Variants in GLIS1 observed in about 807,000 individuals in gnomAD.
GLIS1 encodes GLIS family zinc finger 1.
GLIS1 carries 24 observed loss-of-function variants against 63.8 expected under a neutral mutation model. That is an observed-to-expected ratio of 0.38 (90% CI 0.27 to 0.53). The LOEUF (loss-of-function observed/expected upper bound fraction) is 0.53, where lower values mean the gene tolerates loss of function less well. Ranked by LOEUF, GLIS1 falls within the 20% of genes least tolerant of loss-of-function variation. GLIS1 has a pLI of 0.85. For missense variants in GLIS1, 1,036 were observed against 1,074.1 expected (o/e 0.96, Z 0.50); for synonymous variants, 450 against 482.5 (o/e 0.93, Z 0.88).
At position 53,594,258 on chromosome 1, in the gene GLIS1, G is replaced by A. The variant is rs200339816; in HGVS notation, c.1170C>T (p.His390=). The change falls in exon 4 of 11, where the codon CAC becomes CAT. Residue 390 remains histidine (H), a synonymous_variant. Transcript: ENST00000628545. ...AYEQQEELVR[H]IEKSHIDQRK... The stretch of plus-strand genomic sequence containing the variant: ...GCTGGTCGATGTGGCTCTTCTCGAT[G>A]TGCCGCACCAGCTCCTCCTGCTGCT... 5.0e-6 allele frequency: 8 copies of A among 1,613,470 alleles called. No homozygotes were observed. In the Admixed American group the frequency reaches 1.0e-4, roughly 20 times the overall value.
intron 4 of GLIS1, among the ~76,000 whole-genome samples, chr1:53,541,720 G>C (rs951304507): frequency 6.6e-6 from 1 of 152,256 alleles, no homozygotes; most frequent in Admixed American, 6.5e-5. Context: ...AAACCCATCC[G>C]GTGGCCAAGT....
At chr1:53,618,500 G>A (rs1194063927) in intron 2 of GLIS1, among the ~76,000 whole-genome samples, 15 of 152,210 alleles carry the variant, frequency 9.9e-5, no homozygotes, top group Admixed American at 9.8e-4. Flanking sequence ...ACATTTCCAT[G>A]AAGCAGCACC....
chr1:53,577,980 C>T (rs1446885374), intron 4 of GLIS1, among the ~76,000 whole-genome samples: 1 of 152,144 alleles, frequency 6.6e-6, no homozygotes, highest in Non-Finnish European at 1.5e-5. Flanking sequence ...ATCCTGATCC[C>T]CCTACCCTAG....
rs566316360 is a variant in GLIS1, at chr1:53,601,858, C to T, written c.260-1580G>A. ...CAGTTCCTTTGGCACACAATTATCCCCATGCTGAGGCCGGGCACTCAGTGC... is the reference window on the plus strand; with the variant it reads ...CAGTTCCTTTGGCACACAATTATCCTCATGCTGAGGCCGGGCACTCAGTGC... On this transcript the variant is annotated intron_variant, in intron 2 of 10. Transcript: ENST00000628545. 3.3e-4 allele frequency among the ~76,000 whole-genome samples: 50 copies of T among 152,356 alleles called. No individual in the cohort carries two copies. The Middle Eastern group carries it at 0.01, about 31-fold the overall frequency.
At chr1:53,672,508 G>A (rs1646163410) in intron 2 of GLIS1, among the ~76,000 whole-genome samples, 1 of 152,216 alleles carries the variant, frequency 6.6e-6, no homozygotes, top group Admixed American at 6.5e-5. Context: ...TGGGCCTAGA[G>A]TGACTTATTG....
intron 2 of GLIS1, among the ~76,000 whole-genome samples, chr1:53,676,676 C>T (rs955581821): frequency 6.6e-6 from 1 of 152,150 alleles, no homozygotes; most frequent in African/African-American, 2.4e-5. Flanking sequence ...AGGCAAGGCA[C>T]AGGTCCTTCC....
At chr1:53,546,028 C>A (rs1644694839) in intron 4 of GLIS1, among the ~76,000 whole-genome samples, 1 of 152,218 alleles carries the variant, frequency 6.6e-6, no homozygotes, top group Non-Finnish European at 1.5e-5. Context: ...GGATGGGGAC[C>A]AACTTGCCGA....
chr1:53,530,929 C>T (rs909183918), intron 4 of GLIS1, among the ~76,000 whole-genome samples: 2 of 152,230 alleles, frequency 1.3e-5, no homozygotes, highest in Admixed American at 6.5e-5. Flanking sequence ...AGGGGACCAG[C>T]GCTGACGGGC....
intron 2 of GLIS1, among the ~76,000 whole-genome samples, chr1:53,712,187 C>A (rs376819662): frequency 1.3e-5 from 2 of 152,242 alleles, no homozygotes; most frequent in East Asian, 3.8e-4. Context: ...TTCTACCAGG[C>A]CTTTGCACAG....
At chr1:53,656,102 T>G (rs1645962352) in intron 2 of GLIS1, among the ~76,000 whole-genome samples, 1 of 152,154 alleles carries the variant, frequency 6.6e-6, no homozygotes, top group Non-Finnish European at 1.5e-5. Flanking sequence ...GCTCTCAGCT[T>G]CCTCATCCTC....
chr1:53,520,137 C>T (rs1048083072), intron 7 of GLIS1, among the ~76,000 whole-genome samples: 1 of 152,118 alleles, frequency 6.6e-6, no homozygotes, highest in African/African-American at 2.4e-5. Flanking sequence ...TGGGGCAGAG[C>T]GAAGCCCAGA....
intron 4 of GLIS1, among the ~76,000 whole-genome samples, chr1:53,581,864 C>G (rs901144405): frequency 1.4e-4 from 22 of 152,194 alleles, no homozygotes; most frequent in African/African-American, 5.1e-4. Context: ...CCCTCCACCC[C>G]CTTCCTCCTC....
At chr1:53,545,850 C>T (rs75142457) in intron 4 of GLIS1, among the ~76,000 whole-genome samples, 1,682 of 152,332 alleles carry the variant, frequency 0.011, 26 homozygotes, top group African/African-American at 0.035. Flanking sequence ...CTGCAGAGGG[C>T]GGGACCCTGG....
At chr1:53,634,564 G>A (rs775853025) in intron 2 of GLIS1, among the ~76,000 whole-genome samples, 4 of 152,168 alleles carry the variant, frequency 2.6e-5, no homozygotes, top group East Asian at 1.9e-4. Flanking sequence ...AGGGTGGAGC[G>A]AGGAGGGCCT....
At chr1:53,625,982 G>C (rs1645589864) in intron 2 of GLIS1, among the ~76,000 whole-genome samples, 1 of 152,226 alleles carries the variant, frequency 6.6e-6, no homozygotes, top group African/African-American at 2.4e-5. Context: ...CCAGATGCCA[G>C]GGCTAAGTGA....
At chr1:53,670,168 T>C (rs139270288) in intron 2 of GLIS1, among the ~76,000 whole-genome samples, 1 of 152,304 alleles carries the variant, frequency 6.6e-6, no homozygotes, top group African/African-American at 2.4e-5. Context: ...CAAGAATGGC[T>C]CAGCCAACAG....
intron 2 of GLIS1, among the ~76,000 whole-genome samples, chr1:53,600,996 T>A (rs1645311838): frequency 6.6e-6 from 1 of 152,194 alleles, no homozygotes; most frequent in South Asian, 2.1e-4. Context: ...CAGGCGTGCT[T>A]GTTCTAAGCT....
rs954360485 is a variant in GLIS1, at chr1:53,527,496, G to A, written c.1482+2295C>T. 4.0e-4 allele frequency among the ~76,000 whole-genome samples: 61 copies of A among 152,246 alleles called. 1 individual carries two copies. Among genetic ancestry groups the A allele is most frequent in the Non-Finnish European group, 1.2e-4 (8 of 68,036 alleles). On this transcript the variant is annotated intron_variant, in intron 5 of 10. Coordinates refer to ENST00000628545, the MANE Select transcript of GLIS1 (RefSeq NM_001367484.1). ...GGGGTTTTACCTCTCAGGAGGCCCA[G>A]GGAGGCCAGGGGCTTTCCTCAGACC...
chr1:53,577,133 C>T (rs1219460146), intron 4 of GLIS1, among the ~76,000 whole-genome samples: 1 of 151,648 alleles, frequency 6.6e-6, no homozygotes, highest in Non-Finnish European at 1.5e-5. Context: ...TCCAGCCTCC[C>T]CCCCCTCCAT....
Sources: gnomAD v4.1 joint callset for allele counts (sites outside exome capture counted in the v4.1 genomes callset) on GRCh38, gnomAD v4.1.1 for gene constraint, MANE v1.5 for transcripts, NCBI Gene and HGNC (gene_info 2026-07-23, HGNC 2026-07-21) for gene names.